The following SGCZ variants were observed in gnomAD, a reference collection of about 807,000 sequenced individuals.
The protein encoded by SGCZ is sarcoglycan zeta.
A neutral mutation model predicts 41.3 loss-of-function variants in SGCZ; 40 were observed. The ratio of observed to expected loss-of-function variants is 0.97; its 90% confidence interval spans 0.75 to 1.26. SGCZ has a LOEUF of 1.26. Ranked by LOEUF, SGCZ falls within the 50% of genes most tolerant of loss-of-function variation. The pLI is 0.00. For missense variants in SGCZ, 552 were observed against 369.8 expected (o/e 1.49, Z -4.04); for synonymous variants, 206 against 137.5 (o/e 1.50, Z -3.49).
At position 14,714,346 on chromosome 8, in the gene SGCZ, A is replaced by AT. The variant is rs1809619665; in HGVS notation, c.40-159421dup. Among the ~76,000 whole-genome samples, 3 of 152,228 alleles carry AT rather than the reference A, an allele frequency of 2.0e-5. No individual in the cohort carries two copies. The South Asian group carries it at 6.2e-4, about 31-fold the overall frequency. On this transcript the variant is annotated intron_variant, in intron 1 of 7. Coordinates refer to ENST00000382080, the MANE Select transcript of SGCZ (RefSeq NM_139167.4). ...TATAGAAGTTAAAAAAAGTAACAGTATCATAGTACAACTCAAGCACAATAT... is the reference window on the plus strand; with the variant it reads ...TATAGAAGTTAAAAAAAGTAACAGTATTCATAGTACAACTCAAGCACAATAT...
At chr8:14,549,993 A>G (rs1368736341) in intron 2 of SGCZ, among the ~76,000 whole-genome samples, 1 of 152,034 alleles carries the variant, frequency 6.6e-6, no homozygotes, top group African/African-American at 2.4e-5. Flanking sequence ...TGGGGAAAAA[A>G]AGGTGGCATT....
At chr8:15,137,458 G>A (rs1808155550) in intron 1 of SGCZ, among the ~76,000 whole-genome samples, 1 of 152,188 alleles carries the variant, frequency 6.6e-6, no homozygotes, top group African/African-American at 2.4e-5. Flanking sequence ...AGGCATGTCG[G>A]GGACCTTCCT....
At chr8:14,147,479 T>A (rs1392115093) in intron 5 of SGCZ, among the ~76,000 whole-genome samples, 1 of 152,158 alleles carries the variant, frequency 6.6e-6, no homozygotes, top group Non-Finnish European at 1.5e-5. Context: ...GAAGGTCATA[T>A]ATAATGACAA....
intron 1 of SGCZ, among the ~76,000 whole-genome samples, chr8:14,639,061 T>A (rs1447893332): frequency 6.6e-6 from 1 of 150,986 alleles, no homozygotes; most frequent in East Asian, 2.0e-4. Context: ...TTTTGTCTTT[T>A]TTTGAGAGGG....
chr8:15,138,141 C>CT (rs1808183455), intron 1 of SGCZ, among the ~76,000 whole-genome samples: 2 of 152,156 alleles, frequency 1.3e-5, no homozygotes, highest in South Asian at 2.1e-4. Flanking sequence ...TAACGAATGC[C>CT]TTACTGGATT....
intron 1 of SGCZ, among the ~76,000 whole-genome samples, chr8:14,753,611 T>C (rs76357584): frequency 2.0e-5 from 3 of 152,178 alleles, no homozygotes; most frequent in Admixed American, 1.3e-4. Context: ...AGAGGAGGCA[T>C]GGTCTGGACC....
chr8:15,109,265 CTTTTT>C (rs967580709), intron 1 of SGCZ, among the ~76,000 whole-genome samples: 1 of 152,062 alleles, frequency 6.6e-6, no homozygotes, highest in Non-Finnish European at 1.5e-5. Flanking sequence ...TTTAGAATTT[CTTTTT>C]ATTTTCTGCT....
At position 14,479,731 on chromosome 8, in the gene SGCZ, C is replaced by CTTTTTTTTTTT. The variant is rs529812029; in HGVS notation, c.234+74990_234+75000dup. Among the ~76,000 whole-genome samples the CTTTTTTTTTTT allele has an allele frequency of 9.3e-3, 489 of 52,848 alleles. 38 individuals are homozygous for CTTTTTTTTTTT. The highest frequency in any genetic ancestry group is 0.018 in the Middle Eastern group (1 of 56). The allele number at this position is 52,848 out of a possible 152,430, so 34.7% of individuals were successfully genotyped here. On this transcript the variant is annotated intron_variant, in intron 2 of 7. Coordinates refer to ENST00000382080, the MANE Select transcript of SGCZ (RefSeq NM_139167.4). ...GTCGCATACCTCCAGAATTCTACTT[C>CTTTTTTTTTTT]TTTTTTTTTTTTTTTTTTTTTTTTT...
chr8:14,178,559 G>T (rs1421911875), intron 4 of SGCZ, among the ~76,000 whole-genome samples: 1 of 152,164 alleles, frequency 6.6e-6, no homozygotes, highest in Non-Finnish European at 1.5e-5. Flanking sequence ...TTGTCTGTTG[G>T]ATATTTTGAT....
At chr8:15,018,218 CAT>C (rs1803113128) in intron 1 of SGCZ, among the ~76,000 whole-genome samples, 2 of 152,160 alleles carry the variant, frequency 1.3e-5, no homozygotes, top group African/African-American at 4.8e-5. Flanking sequence ...TCATTCGGCA[CAT>C]GTTTCTAAAC....
chr8:14,375,972 T>C (rs918543393), intron 2 of SGCZ, among the ~76,000 whole-genome samples: 17 of 152,162 alleles, frequency 1.1e-4, no homozygotes, highest in African/African-American at 3.1e-4. Context: ...ACTTAATGTA[T>C]TCAGGTGAGA....
intron 1 of SGCZ, among the ~76,000 whole-genome samples, chr8:14,760,346 G>C (rs1238037517): frequency 6.6e-6 from 1 of 152,146 alleles, no homozygotes; most frequent in Non-Finnish European, 1.5e-5. Flanking sequence ...TCCGATGGAA[G>C]AACTGCCATT....
intron 4 of SGCZ, among the ~76,000 whole-genome samples, chr8:14,225,490 T>C (rs1041024256): frequency 6.6e-6 from 1 of 152,040 alleles, no homozygotes; most frequent in Non-Finnish European, 1.5e-5. Context: ...AGTAAAAGAT[T>C]AATGTTGAAT....
At chr8:15,022,462 G>C (rs1256044628) in intron 1 of SGCZ, among the ~76,000 whole-genome samples, 1 of 152,034 alleles carries the variant, frequency 6.6e-6, no homozygotes, top group Non-Finnish European at 1.5e-5. Context: ...TCCTACTTCA[G>C]CCTCCAGAGT....
chr8:14,634,581 G>A (rs1466700545), intron 1 of SGCZ, among the ~76,000 whole-genome samples: 1 of 151,872 alleles, frequency 6.6e-6, no homozygotes, highest in East Asian at 1.9e-4. Flanking sequence ...GCAAAACCAG[G>A]TAACTTATCT....
At chr8:14,834,545 G>A (rs1802634189) in intron 1 of SGCZ, among the ~76,000 whole-genome samples, 1 of 152,150 alleles carries the variant, frequency 6.6e-6, no homozygotes, top group Non-Finnish European at 1.5e-5. Context: ...AGCAAGGAGA[G>A]GAGACAGAGC....
chr8:14,830,677 A>G (rs1437309683), intron 1 of SGCZ, among the ~76,000 whole-genome samples: 1 of 152,152 alleles, frequency 6.6e-6, no homozygotes, highest in East Asian at 1.9e-4. Context: ...CAGTGACTTT[A>G]GTTTGCAAAG....
chr8:14,592,202 C>A (rs1805262922), intron 1 of SGCZ, among the ~76,000 whole-genome samples: 1 of 151,990 alleles, frequency 6.6e-6, no homozygotes, highest in Non-Finnish European at 1.5e-5. Context: ...TATCTCCAGG[C>A]CTTAGATTCC....
At chr8:14,928,256 A>G (rs895571591) in intron 1 of SGCZ, among the ~76,000 whole-genome samples, 17 of 152,206 alleles carry the variant, frequency 1.1e-4, no homozygotes, top group Non-Finnish European at 2.9e-5. Context: ...GAATGTTGGC[A>G]TAGGACTTCT....
Sources: allele counts gnomAD v4.1 joint callset (sites outside exome capture counted in the v4.1 genomes callset), GRCh38; gene constraint gnomAD v4.1.1; transcripts MANE v1.5; gene names NCBI Gene and HGNC (gene_info 2026-07-23, HGNC 2026-07-21).